PPARGC1A: variants seen among roughly 807,000 people sequenced by gnomAD.
The protein encoded by PPARGC1A is peroxisome proliferator-activated receptor gamma coactivator 1-alpha.
A neutral mutation model predicts 88.7 loss-of-function variants in PPARGC1A; 25 were observed. The ratio of observed to expected loss-of-function variants is 0.28; its 90% CI spans 0.21 to 0.39. PPARGC1A has a LOEUF of 0.39. Among genes scored for constraint, PPARGC1A ranks in the 10% least tolerant of loss-of-function variants. The pLI is 1.00. For missense variants in PPARGC1A, 880 were observed against 968.7 expected, an observed-to-expected ratio of 0.91 and a Z score of 1.22; for synonymous variants, 363 against 355.6, an observed-to-expected ratio of 1.02 and a Z score of -0.24.
chr4:24,217,488 C>A, the PPARGC1A span, among the ~76,000 whole-genome samples: 1 of 151,978 alleles, frequency 6.6e-6, no homozygotes, highest in African/African-American at 2.4e-5. Context: ...ACCATGGGGA[C>A]AAGAGAAGGG....
the PPARGC1A span, among the ~76,000 whole-genome samples, chr4:24,129,679 T>C: frequency 6.6e-6 from 1 of 152,146 alleles, no homozygotes; most frequent in Non-Finnish European, 1.5e-5. Context: ...CATGCTGCTA[T>C]AAAGACACAT....
chr4:24,001,471 G>A, the PPARGC1A span, among the ~76,000 whole-genome samples: 16 of 152,080 alleles, frequency 1.1e-4, no homozygotes, highest in East Asian at 1.7e-3. Flanking sequence ...AAGTGAGAAC[G>A]TCTTCAAAAA....
intron 7 of PPARGC1A, among the ~76,000 whole-genome samples, chr4:23,819,895 A>G (rs574147378): frequency 5.3e-5 from 8 of 152,212 alleles, no homozygotes; most frequent in Non-Finnish European, 1.0e-4. Flanking sequence ...TCCTTTTAAA[A>G]CTACCGACAA....
the PPARGC1A span, among the ~76,000 whole-genome samples, chr4:24,316,665 G>A: frequency 6.6e-6 from 1 of 152,174 alleles, no homozygotes; most frequent in African/African-American, 2.4e-5. Context: ...GCAAGACCTT[G>A]GCCTTTGACT....
chr4:24,343,759 T>A, the PPARGC1A span, among the ~76,000 whole-genome samples: 153 of 151,774 alleles, frequency 1.0e-3, 1 homozygote, highest in African/African-American at 1.1e-3. Flanking sequence ...CTTTTTTTTT[T>A]TAATTTCCAT....
At chr4:23,802,542 G>A (rs1029497975) in intron 10 of PPARGC1A, among the ~76,000 whole-genome samples, 197 bp from the exon 11 acceptor site, 1 of 151,916 alleles carries the variant, frequency 6.6e-6, no homozygotes, top group Non-Finnish European at 1.5e-5. Context: ...GCCAGGTGTG[G>A]TGGTGGGCAC....
At chr4:24,035,832 C>T in the PPARGC1A span, among the ~76,000 whole-genome samples, 4 of 152,102 alleles carry the variant, frequency 2.6e-5, no homozygotes, top group African/African-American at 9.7e-5. Flanking sequence ...ATTAAGTAAA[C>T]ATTAGCATGG....
At chr4:24,026,141 G>C in the PPARGC1A span, among the ~76,000 whole-genome samples, 107 of 152,262 alleles carry the variant, frequency 7.0e-4, no homozygotes, top group African/African-American at 2.1e-3. Flanking sequence ...TCCTGGATCG[G>C]CACTACTTCT....
the PPARGC1A span, among the ~76,000 whole-genome samples, chr4:24,047,459 CT>C: frequency 3.9e-5 from 6 of 152,252 alleles, no homozygotes; most frequent in East Asian, 3.9e-4. Context: ...GTGCTAAGTG[CT>C]TTACATATAT....
chr4:23,811,634 G>C (rs569530795), intron 10 of PPARGC1A, among the ~76,000 whole-genome samples: 3 of 152,106 alleles, frequency 2.0e-5, no homozygotes, highest in Non-Finnish European at 4.4e-5. Flanking sequence ...GATAAACAGC[G>C]GTAGGGAGTT....
the PPARGC1A span, among the ~76,000 whole-genome samples, chr4:24,292,529 C>A: frequency 8.1e-6 from 1 of 122,996 alleles, no homozygotes; most frequent in Non-Finnish European, 1.7e-5. Flanking sequence ...TCCTCCCTAC[C>A]CCCCCACCCC....
At chr4:23,809,712 T>C (rs975698210) in intron 10 of PPARGC1A, among the ~76,000 whole-genome samples, 1 of 152,162 alleles carries the variant, frequency 6.6e-6, no homozygotes, top group Non-Finnish European at 1.5e-5. Flanking sequence ...TTTTACACTA[T>C]TTTTTTATAC....
the PPARGC1A span, among the ~76,000 whole-genome samples, chr4:24,065,213 G>C: frequency 3.2e-4 from 49 of 152,182 alleles, no homozygotes; most frequent in Non-Finnish European, 5.6e-4. Flanking sequence ...CCCTGCATTG[G>C]AGCCTGCCTA....
the PPARGC1A span, among the ~76,000 whole-genome samples, chr4:24,209,535 T>C: frequency 2.9e-4 from 44 of 152,312 alleles, no homozygotes; most frequent in Admixed American, 6.5e-4. Flanking sequence ...TAAAGAATTA[T>C]CTGGTCCAAA....
chr4:24,294,808 G>A, the PPARGC1A span, among the ~76,000 whole-genome samples: 1 of 152,218 alleles, frequency 6.6e-6, no homozygotes. Flanking sequence ...ACAAGAAGGA[G>A]CTCCCAGTTC....
chr4:24,109,398 G>T, the PPARGC1A span, among the ~76,000 whole-genome samples: 2 of 151,858 alleles, frequency 1.3e-5, no homozygotes, highest in Non-Finnish European at 2.9e-5. Flanking sequence ...TGGATTGGGG[G>T]TTGTGGGTGG....
At chr4:24,292,187 G>C in the PPARGC1A span, among the ~76,000 whole-genome samples, 4 of 151,944 alleles carry the variant, frequency 2.6e-5, no homozygotes, top group Non-Finnish European at 5.9e-5. Context: ...GAACCCAGGA[G>C]AACACAAATG....
chr4:24,240,200 T>C, the PPARGC1A span, among the ~76,000 whole-genome samples: 3 of 152,196 alleles, frequency 2.0e-5, no homozygotes, highest in Admixed American at 1.3e-4. Flanking sequence ...TAATAGACTT[T>C]GGAAGAACTA....
chr4:24,296,494 A>C, the PPARGC1A span, among the ~76,000 whole-genome samples: 24 of 152,282 alleles, frequency 1.6e-4, no homozygotes, highest in South Asian at 4.6e-3. Context: ...CTCACCTAAG[A>C]GCCAGCCTCT....
Sources: allele counts gnomAD v4.1 joint callset (sites outside exome capture counted in the v4.1 genomes callset), GRCh38; gene constraint gnomAD v4.1.1; transcripts MANE v1.5; gene names NCBI Gene and HGNC (gene_info 2026-07-23, HGNC 2026-07-21).